Variants in ST6GALNAC5 observed in about 807,000 individuals in gnomAD.
ST6GALNAC5 encodes ST6 N-acetylgalactosaminide alpha-2,6-sialyltransferase 5, also known as alpha-N-acetylgalactosaminide alpha-2,6-sialyltransferase 5.
ST6GALNAC5 carries 27 observed loss-of-function variants against 33.6 expected under a neutral mutation model. The ratio of observed to expected loss-of-function variants is 0.80; its 90% CI spans 0.59 to 1.11. The LOEUF (loss-of-function observed/expected upper bound fraction) is 1.11. Ranked by LOEUF, ST6GALNAC5 falls within the 50% of genes least tolerant of loss-of-function variation. ST6GALNAC5 has a pLI of 0.00. For missense variants in ST6GALNAC5, 428 were observed against 454.0 expected, an observed-to-expected ratio of 0.94 and a Z score of 0.52; for synonymous variants, 194 against 171.2, an observed-to-expected ratio of 1.13 and a Z score of -1.04.
At chr1:77,008,616 G>T (rs939397947) in intron 2 of ST6GALNAC5, among the ~76,000 whole-genome samples, 1 of 152,026 alleles carries the variant, frequency 6.6e-6, no homozygotes, top group African/African-American at 2.4e-5. Context: ...TGCAGCCTCT[G>T]CCTCCTGGGT....
intron 4 of ST6GALNAC5, among the ~76,000 whole-genome samples, chr1:77,059,672 T>A (rs757942909): frequency 4.6e-5 from 7 of 152,236 alleles, no homozygotes; most frequent in African/African-American, 1.2e-4. Flanking sequence ...TTTCAGGTTA[T>A]GCAGGTAGCC....
intron 2 of ST6GALNAC5, among the ~76,000 whole-genome samples, chr1:76,910,599 A>C (rs1646901913): frequency 6.6e-6 from 1 of 152,096 alleles, no homozygotes; most frequent in Non-Finnish European, 1.5e-5. Flanking sequence ...TTTCAATATT[A>C]ACTTTAAACT....
chr1:77,063,233 C>T lies in ST6GALNAC5; in HGVS notation c.*27C>T, dbSNP rs376878620. The T allele has an allele frequency of 2.5e-6, 4 of 1,598,234 alleles. No individual in the cohort carries two copies. The highest frequency in any genetic ancestry group is 3.4e-6 in the Non-Finnish European group (4 of 1,166,488). On this transcript the variant is annotated 3_prime_UTR_variant, in exon 5 of 5. Coordinates refer to ENST00000477717, the MANE Select transcript of ST6GALNAC5 (RefSeq NM_030965.3). ...GAATGAGCATGCCAGACTGTAATCC[C>T]AGGTATTCACTGCATCAGACACCGA... is the stretch of plus-strand genomic sequence containing the variant.
At chr1:76,960,274 G>A (rs924474039) in intron 2 of ST6GALNAC5, among the ~76,000 whole-genome samples, 1 of 152,056 alleles carries the variant, frequency 6.6e-6, no homozygotes. Context: ...AGCAGGTTCC[G>A]TGATGCCCCC....
intron 2 of ST6GALNAC5, among the ~76,000 whole-genome samples, chr1:77,021,269 G>T (rs187571945): frequency 2.1e-3 from 327 of 152,252 alleles, no homozygotes; most frequent in African/African-American, 7.6e-3. Flanking sequence ...GAGGAATAAT[G>T]ACTTGAATAA....
At chr1:77,025,819 G>C (rs1651209811) in intron 2 of ST6GALNAC5, among the ~76,000 whole-genome samples, 1 of 152,034 alleles carries the variant, frequency 6.6e-6, no homozygotes, top group Admixed American at 6.5e-5. Context: ...CTTCTCCCCT[G>C]CAGCTACAGG....
intron 2 of ST6GALNAC5, among the ~76,000 whole-genome samples, chr1:76,924,370 A>G (rs967956247): frequency 6.6e-6 from 1 of 152,160 alleles, no homozygotes; most frequent in Non-Finnish European, 1.5e-5. Flanking sequence ...TGTGCATCTT[A>G]ATATCCCCTC....
intron 2 of ST6GALNAC5, among the ~76,000 whole-genome samples, chr1:76,974,557 G>C (rs1648919791): frequency 6.6e-6 from 1 of 151,654 alleles, no homozygotes; most frequent in African/African-American, 2.4e-5. Flanking sequence ...ATATAAGTCT[G>C]TAAATTTTCT....
At chr1:77,019,955 A>G (rs907323184) in intron 2 of ST6GALNAC5, among the ~76,000 whole-genome samples, 11 of 152,218 alleles carry the variant, frequency 7.2e-5, no homozygotes, top group African/African-American at 2.7e-4. Context: ...ATACACAGCC[A>G]CATTGCCAAC....
At chr1:76,952,977 T>C (rs1336164416) in intron 2 of ST6GALNAC5, among the ~76,000 whole-genome samples, 3 of 152,100 alleles carry the variant, frequency 2.0e-5, no homozygotes, top group African/African-American at 4.8e-5. Flanking sequence ...CTTTTTTCAC[T>C]AAGAATAATA....
chr1:76,895,645 C>T lies in ST6GALNAC5; in HGVS notation c.261+26903C>T, dbSNP rs541441944. On this transcript the variant is annotated intron_variant, in intron 2 of 4. Transcript: ENST00000477717. ...TATTTACTTCAAGAGTTAAGAGTGG[C>T]AGTTTGGGGATAGCACCAGGAGATA... is the stretch of plus-strand genomic sequence containing the variant. Among the ~76,000 whole-genome samples the T allele has an allele frequency of 1.4e-3, 211 of 152,174 alleles. 1 individual carries two copies. Among genetic ancestry groups the T allele is most frequent in the African/African-American group, 4.8e-3 (199 of 41,526 alleles).
At chr1:76,884,755 G>A (rs2100239084) in intron 2 of ST6GALNAC5, among the ~76,000 whole-genome samples, 1 of 152,186 alleles carries the variant, frequency 6.6e-6, no homozygotes, top group South Asian at 2.1e-4. Flanking sequence ...TGCCTACGAA[G>A]GACTCAAAGT....
intron 2 of ST6GALNAC5, among the ~76,000 whole-genome samples, chr1:77,040,251 T>C (rs545000567): frequency 1.3e-5 from 2 of 152,252 alleles, no homozygotes; most frequent in Non-Finnish European, 2.9e-5. Flanking sequence ...GCTGGAATTG[T>C]AACATTATGT....
chr1:76,911,549 T>C (rs1241186070), intron 2 of ST6GALNAC5, among the ~76,000 whole-genome samples: 1 of 152,158 alleles, frequency 6.6e-6, no homozygotes, highest in Non-Finnish European at 1.5e-5. Context: ...TCTGGTAGAA[T>C]TCGGCTGTGA....
At chr1:76,931,130 T>C (rs1647136638) in intron 2 of ST6GALNAC5, among the ~76,000 whole-genome samples, 1 of 152,156 alleles carries the variant, frequency 6.6e-6, no homozygotes, top group South Asian at 2.1e-4. Flanking sequence ...GGGACCTGCA[T>C]AGCAAGAGAC....
chr1:76,898,246 G>C (rs1646776341), intron 2 of ST6GALNAC5, among the ~76,000 whole-genome samples: 1 of 152,210 alleles, frequency 6.6e-6, no homozygotes, highest in East Asian at 1.9e-4. Context: ...CAAGCTCCTG[G>C]GGGAGGAGGT....
intron 2 of ST6GALNAC5, among the ~76,000 whole-genome samples, chr1:76,888,270 T>C (rs1250714836): frequency 1.3e-5 from 2 of 152,118 alleles, no homozygotes; most frequent in African/African-American, 4.8e-5. Flanking sequence ...AGATTCTGAA[T>C]CTTTAGATCT....
intron 2 of ST6GALNAC5, among the ~76,000 whole-genome samples, chr1:76,954,248 A>G (rs1031665379): frequency 1.3e-5 from 2 of 152,150 alleles, no homozygotes; most frequent in African/African-American, 4.8e-5. Flanking sequence ...TGGAGCTGGA[A>G]GCCATAATCC....
chr1:77,041,726 A>C (rs1293181821), intron 2 of ST6GALNAC5, among the ~76,000 whole-genome samples: 2 of 152,214 alleles, frequency 1.3e-5, no homozygotes, highest in African/African-American at 2.4e-5. Flanking sequence ...TTCCTAAAGA[A>C]GGTTTGGTCT....
Sources: gnomAD v4.1 joint callset for allele counts (sites outside exome capture counted in the v4.1 genomes callset) on GRCh38, gnomAD v4.1.1 for gene constraint, MANE v1.5 for transcripts, NCBI Gene and HGNC (gene_info 2026-07-23, HGNC 2026-07-21) for gene names.